Variants in SRGAP3 observed in about 807,000 individuals in gnomAD.
SRGAP3 encodes SLIT-ROBO Rho GTPase activating protein 3.
SRGAP3 carries 39 observed loss-of-function variants against 121.1 expected under a neutral mutation model. That is an observed-to-expected ratio of 0.32 (90% CI 0.25 to 0.42). The LOEUF (loss-of-function observed/expected upper bound fraction) is 0.42, where lower values mean the gene tolerates loss of function less well. Among genes scored for constraint, SRGAP3 ranks in the 10% least tolerant of loss-of-function variants. The pLI is 1.00. For missense variants in SRGAP3, 1,213 were observed against 1,470.6 expected (o/e 0.82, Z 2.86); for synonymous variants, 601 against 570.0 (o/e 1.05, Z -0.77).
At chr3:9,045,551 T>C (rs568101265) in intron 10 of SRGAP3, among the ~76,000 whole-genome samples, 1 of 151,680 alleles carries the variant, frequency 6.6e-6, no homozygotes, top group South Asian at 2.1e-4. Flanking sequence ...ATGATGACCG[T>C]CATCATCAAT....
chr3:9,020,259 T>C (rs916741554), intron 14 of SRGAP3, among the ~76,000 whole-genome samples: 1 of 152,200 alleles, frequency 6.6e-6, no homozygotes, highest in Admixed American at 6.5e-5. Context: ...GGTAGGTATA[T>C]ATTTACCTAC....
At chr3:9,148,768 C>T (rs1043087971) in intron 1 of SRGAP3, among the ~76,000 whole-genome samples, 1 of 152,194 alleles carries the variant, frequency 6.6e-6, no homozygotes, top group Non-Finnish European at 1.5e-5. Flanking sequence ...GTTCTGGGGG[C>T]CAAGTGCTTC....
intron 1 of SRGAP3, among the ~76,000 whole-genome samples, chr3:9,233,596 T>C (rs1953304849): frequency 6.6e-6 from 1 of 152,216 alleles, no homozygotes; most frequent in Non-Finnish European, 1.5e-5. Context: ...TTTTGATGAC[T>C]TCTGACCCTT....
chr3:9,153,904 CT>C (rs1950307512), intron 1 of SRGAP3, among the ~76,000 whole-genome samples: 1 of 152,122 alleles, frequency 6.6e-6, no homozygotes, highest in African/African-American at 2.4e-5. Context: ...GGATCTGCCT[CT>C]GAAGAAGCTG....
chr3:9,116,885 C>T (rs1460087080), intron 2 of SRGAP3, among the ~76,000 whole-genome samples: 1 of 152,162 alleles, frequency 6.6e-6, no homozygotes, highest in Non-Finnish European at 1.5e-5. Context: ...AAAGACAGCC[C>T]CTTCTTCACA....
intron 1 of SRGAP3, among the ~76,000 whole-genome samples, chr3:9,203,651 C>T (rs924391418): frequency 2.6e-4 from 40 of 152,164 alleles, no homozygotes; most frequent in East Asian, 1.7e-3. Context: ...CTTATATTGG[C>T]CCCTGAGCTA....
intron 8 of SRGAP3, among the ~76,000 whole-genome samples, chr3:9,055,036 C>T (rs1359210825): frequency 6.6e-6 from 1 of 152,116 alleles, no homozygotes; most frequent in Non-Finnish European, 1.5e-5. Context: ...CATACTATTC[C>T]GTGTAAACAA....
At chr3:9,259,904 C>A (rs574331483) in intron 3 of SRGAP3, among the ~76,000 whole-genome samples, 1 of 151,900 alleles carries the variant, frequency 6.6e-6, no homozygotes. Context: ...CAGCTCCCAG[C>A]GAGACCAAGA....
chr3:9,167,667 G>A (rs559058274), intron 1 of SRGAP3, among the ~76,000 whole-genome samples: 1 of 152,326 alleles, frequency 6.6e-6, no homozygotes, highest in South Asian at 2.1e-4. Context: ...ATCCCCAGAT[G>A]TCCAGGGTGC....
At chr3:9,287,081 T>C (rs151258787) in intron 3 of SRGAP3, among the ~76,000 whole-genome samples, 1,744 of 136,102 alleles carry the variant, frequency 0.013, 40 homozygotes, top group African/African-American at 0.044. Context: ...AGCCTCGACC[T>C]CCTGGGCTCA....
chr3:9,303,888 G>C (rs532472166), intron 3 of SRGAP3, among the ~76,000 whole-genome samples: 23 of 152,306 alleles, frequency 1.5e-4, no homozygotes, highest in African/African-American at 5.3e-4. Context: ...ACAGTGTGCT[G>C]GGCCCTGGGG....
intron 1 of SRGAP3, among the ~76,000 whole-genome samples, chr3:9,169,059 T>C (rs1165318981): frequency 6.6e-6 from 1 of 152,204 alleles, no homozygotes; most frequent in Non-Finnish European, 1.5e-5. Context: ...CTGTACATGG[T>C]AGCACTGATT....
intron 1 of SRGAP3, among the ~76,000 whole-genome samples, chr3:9,163,430 A>G (rs571659136): frequency 6.6e-6 from 1 of 152,284 alleles, no homozygotes; most frequent in South Asian, 2.1e-4. Context: ...CCGGCCTGAC[A>G]TTTGCTCGGC....
At position 9,268,038 on chromosome 3, in the gene SRGAP3, G is replaced by A. The variant is rs1341103920; in HGVS notation, n.442+57972C>T. The stretch of plus-strand genomic sequence containing the variant: ...AAGCAAGGATGGCCTCAGACCAACA[G>A]GAAGCAAGGACCCGAGGCCCTCATC... On this transcript the variant is annotated intron_variant and non_coding_transcript_variant, in intron 3 of 3. Transcript: ENST00000490889. Among the ~76,000 whole-genome samples, 7 of 152,126 alleles carry A rather than the reference G, an allele frequency of 4.6e-5. No homozygotes were observed. In the East Asian group the frequency reaches 1.4e-3, roughly 29 times the overall value.
intron 1 of SRGAP3, among the ~76,000 whole-genome samples, chr3:9,229,031 C>T (rs985653187): frequency 4.1e-5 from 6 of 144,834 alleles, no homozygotes; most frequent in South Asian, 4.4e-4. Flanking sequence ...CACTGCAGTC[C>T]GCAGTCCGGC....
chr3:9,354,235 G>T (rs367993780), intron 1 of SRGAP3, among the ~76,000 whole-genome samples: 8 of 152,102 alleles, frequency 5.3e-5, no homozygotes, highest in Non-Finnish European at 1.2e-4. Context: ...CACTACAAAC[G>T]TGTCTTTTAG....
chr3:9,095,104 A>G (rs1947915691), intron 3 of SRGAP3, among the ~76,000 whole-genome samples: 1 of 151,786 alleles, frequency 6.6e-6, no homozygotes, highest in Non-Finnish European at 1.5e-5. Flanking sequence ...TGGCTTATCA[A>G]TTTTTATCAC....
intron 1 of SRGAP3, among the ~76,000 whole-genome samples, chr3:9,357,661 C>G (rs1390693180): frequency 6.6e-6 from 1 of 150,706 alleles, no homozygotes; most frequent in Non-Finnish European, 1.5e-5. Flanking sequence ...TTGCAAGGAA[C>G]AGTGTCTGAC....
chr3:9,127,473 G>A (rs1258432715), intron 1 of SRGAP3, among the ~76,000 whole-genome samples: 1 of 152,234 alleles, frequency 6.6e-6, no homozygotes, highest in Non-Finnish European at 1.5e-5. Context: ...TTTTGAGACG[G>A]AGTCTCGCTC....
Sources: allele counts gnomAD v4.1 joint callset (sites outside exome capture counted in the v4.1 genomes callset), GRCh38; gene constraint gnomAD v4.1.1; transcripts MANE v1.5; gene names NCBI Gene and HGNC (gene_info 2026-07-23, HGNC 2026-07-21).